GPR143: variants seen among roughly 807,000 people sequenced by gnomAD.
The protein encoded by GPR143 is G-protein coupled receptor 143.
Under a neutral mutation model 27.6 loss-of-function variants are expected in GPR143, and 8 were observed. That is an observed-to-expected ratio of 0.29 (90% CI 0.17 to 0.52). The LOEUF (loss-of-function observed/expected upper bound fraction) is 0.52, where lower values mean the gene tolerates loss of function less well. Among genes scored for constraint, GPR143 ranks in the 20% least tolerant of loss-of-function variants. GPR143 has a pLI of 0.96. For synonymous variants in GPR143, 156 were observed against 153.2 expected (o/e 1.02, Z -0.13); for missense variants, 303 against 343.1 (o/e 0.88, Z 0.92).
chrX:9,748,211 A>G (rs1191090060), intron 4 of GPR143: 5 of 268,988 alleles, frequency 1.9e-5, no homozygotes, highest in Admixed American at 5.3e-5. Context: ...GCTCATCCAG[A>G]GGAAGCTTGA....
At chrX:9,778,083 T>G (rs1189476259) in intron 1 of GPR143, among the ~76,000 whole-genome samples, 1 of 109,856 alleles carries the variant, frequency 9.1e-6, no homozygotes, top group Non-Finnish European at 1.9e-5. Flanking sequence ...AGAGTGAGAC[T>G]CCATCTCAAA....
intron 6 of GPR143, 127 bp from the exon 7 acceptor site, chrX:9,741,582 C>T (rs2083404538): frequency 4.2e-6 from 2 of 471,869 alleles, no homozygotes; most frequent in Admixed American, 2.8e-5. Context: ...GACATGGCCA[C>T]TTCTGCAGTA....
intron 8 of GPR143, among the ~76,000 whole-genome samples, chrX:9,731,477 A>G (rs758667951): frequency 1.2e-4 from 13 of 111,495 alleles, no homozygotes; most frequent in Non-Finnish European, 5.6e-5. Flanking sequence ...CAGAATTTGG[A>G]GGGAGAGCCA....
chrX:9,759,798 G>T (rs138018607), intron 2 of GPR143, among the ~76,000 whole-genome samples: 1 of 111,772 alleles, frequency 8.9e-6, no homozygotes, highest in South Asian at 3.8e-4. Flanking sequence ...AAGAGAAGAT[G>T]GAGTAAGGGG....
At chrX:9,764,495 T>TAC (rs1174316237) in intron 1 of GPR143, among the ~76,000 whole-genome samples, 1 of 71,880 alleles carries the variant, frequency 1.4e-5, no homozygotes, top group South Asian at 8.5e-4. Context: ...GAAAAGAATT[T>TAC]ACACACGCGC....
At position 9,744,970 on chromosome X, in the gene GPR143, C is replaced by T. The variant is rs368358318; in HGVS notation, c.658+1074G>A. On this transcript the variant is annotated intron_variant, in intron 5 of 8. Transcript: ENST00000467482. ...CACACTATATTTAAATGTAGATATG[C>T]GCCAGGCGTGGTGGCTCACGCCTGT... Among the ~76,000 whole-genome samples the T allele has an allele frequency of 5.4e-5, 6 of 111,581 alleles. No homozygotes were observed. In the East Asian group the frequency reaches 8.5e-4, roughly 16 times the overall value.
At chrX:9,773,761 G>A (rs1027177859) in intron 1 of GPR143, among the ~76,000 whole-genome samples, 1 of 109,104 alleles carries the variant, frequency 9.2e-6, no homozygotes, top group Non-Finnish European at 1.9e-5. Context: ...CTACCTGGGA[G>A]GCTAAGGTGG....
upstream of GPR143, among the ~76,000 whole-genome samples, chrX:9,769,624 C>A (rs1286432554): frequency 2.7e-5 from 3 of 111,677 alleles, no homozygotes; most frequent in African/African-American, 9.8e-5. Context: ...CTATATCATC[C>A]AGGCTGGAGT....
At chrX:9,756,562 A>G (rs1372909330) in intron 3 of GPR143, among the ~76,000 whole-genome samples, 3 of 112,352 alleles carry the variant, frequency 2.7e-5, no homozygotes, top group South Asian at 7.4e-4. Context: ...AAATAGCCCA[A>G]TGAAATAATG....
chrX:9,726,054 A>C (rs5979161), intron 8 of GPR143: 1 of 654,421 alleles, frequency 1.5e-6, no homozygotes, highest in African/African-American at 2.6e-5. Context: ...CATTTTATTA[A>C]ATCATTACAA....
intron 8 of GPR143, 134 bp from the exon 9 acceptor site, chrX:9,725,974 C>T: frequency 5.5e-6 from 2 of 366,389 alleles, no homozygotes; most frequent in Non-Finnish European, 6.4e-6. Flanking sequence ...GCATTCATCT[C>T]ATCTGCAAAA....
chrX:9,726,698 G>C (rs1439397449), intron 8 of GPR143, among the ~76,000 whole-genome samples: 1 of 112,014 alleles, frequency 8.9e-6, no homozygotes, highest in Non-Finnish European at 1.9e-5. Flanking sequence ...CTTGTAACTG[G>C]TCACATTTTT....
upstream of GPR143, among the ~76,000 whole-genome samples, chrX:9,766,397 A>C (rs2083533518): frequency 8.9e-6 from 1 of 111,938 alleles, no homozygotes; most frequent in African/African-American, 3.2e-5. Flanking sequence ...CCACAGAGGC[A>C]GGATTTTCGT....
intron 1 of GPR143, among the ~76,000 whole-genome samples, chrX:9,777,210 G>A (rs1405628423): frequency 4.4e-5 from 5 of 112,530 alleles, no homozygotes; most frequent in Non-Finnish European, 9.4e-5. Context: ...ATGTGTATTT[G>A]TTGGATTTTT....
intron 5 of GPR143, among the ~76,000 whole-genome samples, chrX:9,745,204 G>A (rs772427437): frequency 1.8e-5 from 2 of 112,972 alleles, no homozygotes; most frequent in African/African-American, 6.4e-5. Flanking sequence ...GCAGTGAGCC[G>A]AGATCACGCC....
At chrX:9,738,636 GT>G in intron 8 of GPR143, 1 of 376,904 alleles carries the variant, frequency 2.7e-6, no homozygotes, top group Non-Finnish European at 3.4e-6. Flanking sequence ...TTTTTGTTTT[GT>G]TTTTTAGACG....
intron 8 of GPR143, chrX:9,726,054 A>T: frequency 3.0e-6 from 2 of 658,353 alleles, no homozygotes; most frequent in Non-Finnish European, 3.6e-6. Context: ...CATTTTATTA[A>T]ATCATTACAA....
At chrX:9,741,807 C>T (rs1027818264) in intron 6 of GPR143, among the ~76,000 whole-genome samples, 5 of 110,495 alleles carry the variant, frequency 4.5e-5, no homozygotes, top group Non-Finnish European at 9.5e-5. Context: ...GTGGGAGGAT[C>T]GCTTGAGCCC....
At chrX:9,764,504 G>GCGCA (rs1489075823) in intron 1 of GPR143, among the ~76,000 whole-genome samples, 4 of 99,094 alleles carry the variant, frequency 4.0e-5, no homozygotes, top group East Asian at 6.7e-4. Flanking sequence ...TTACACACGC[G>GCGCA]CACACACACA....
Sources: gnomAD v4.1 joint callset for allele counts (sites outside exome capture counted in the v4.1 genomes callset) on GRCh38, gnomAD v4.1.1 for gene constraint, MANE v1.5 for transcripts, NCBI Gene and HGNC (gene_info 2026-07-23, HGNC 2026-07-21) for gene names.